The following CDH18 variants were observed in gnomAD, a reference collection of about 807,000 sequenced individuals.
The protein encoded by CDH18 is cadherin-18.
A neutral mutation model predicts 67.9 loss-of-function variants in CDH18; 31 were observed. The ratio of observed to expected loss-of-function variants is 0.46; its 90% confidence interval spans 0.34 to 0.62. The LOEUF (loss-of-function observed/expected upper bound fraction) is 0.62, where lower values mean the gene tolerates loss of function less well. CDH18 is among the 20% of genes least tolerant of loss of function. CDH18 has a pLI of 0.01. For missense variants in CDH18, 890 were observed against 975.5 expected, an observed-to-expected ratio of 0.91 and a Z score of 1.17; for synonymous variants, 362 against 347.2, an observed-to-expected ratio of 1.04 and a Z score of -0.48.
intron 2 of CDH18, among the ~76,000 whole-genome samples, chr5:20,211,801 T>C (rs1337352249): frequency 6.6e-6 from 1 of 151,910 alleles, no homozygotes; most frequent in African/African-American, 2.4e-5. Context: ...AGACCAAAGG[T>C]AGACAAAACA....
intron 2 of CDH18, among the ~76,000 whole-genome samples, chr5:20,124,243 C>T (rs949249188): frequency 2.0e-5 from 3 of 152,102 alleles, no homozygotes; most frequent in Non-Finnish European, 2.9e-5. Flanking sequence ...ATTTTTGTTG[C>T]TTGTCCCATA....
At chr5:20,038,742 T>C (rs1055926341) in intron 2 of CDH18, among the ~76,000 whole-genome samples, 2 of 151,982 alleles carry the variant, frequency 1.3e-5, no homozygotes, top group African/African-American at 4.8e-5. Context: ...ATATCATACT[T>C]AATGGGCAAA....
intron 7 of CDH18, among the ~76,000 whole-genome samples, chr5:19,576,118 T>C (rs371935308): frequency 6.6e-6 from 1 of 151,874 alleles, no homozygotes; most frequent in East Asian, 1.9e-4. Context: ...TTAAAGACAA[T>C]GTAAGACCTA....
intron 2 of CDH18, among the ~76,000 whole-genome samples, chr5:19,875,452 A>G (rs936586515): frequency 6.6e-6 from 1 of 152,026 alleles, no homozygotes; most frequent in African/African-American, 2.4e-5. Context: ...CGATCGATCT[A>G]TAGATAGATA....
intron 11 of CDH18, among the ~76,000 whole-genome samples, chr5:19,492,433 T>C (rs1184936118): frequency 6.6e-6 from 1 of 152,150 alleles, no homozygotes; most frequent in African/African-American, 2.4e-5. Flanking sequence ...AATTTAGTAA[T>C]AATATGGCCA....
chr5:20,453,590 T>C (rs1012930011), intron 1 of CDH18, among the ~76,000 whole-genome samples: 16 of 151,752 alleles, frequency 1.1e-4, no homozygotes, highest in Admixed American at 1.3e-4. Context: ...TGTGTGTGTG[T>C]GTATATGTAT....
intron 10 of CDH18, among the ~76,000 whole-genome samples, chr5:19,520,038 A>AAAT (rs1318964557): frequency 6.6e-6 from 1 of 152,192 alleles, no homozygotes; most frequent in Non-Finnish European, 1.5e-5. Context: ...TTTCTTATAC[A>AAAT]GCAGAAAAAC....
At chr5:19,791,963 T>C (rs1776406729) in intron 3 of CDH18, among the ~76,000 whole-genome samples, 1 of 152,200 alleles carries the variant, frequency 6.6e-6, no homozygotes, top group Non-Finnish European at 1.5e-5. Context: ...AGAAGAATGT[T>C]ACCAAATTTA....
chr5:19,996,281 G>C (rs923236288), intron 2 of CDH18, among the ~76,000 whole-genome samples: 3 of 151,934 alleles, frequency 2.0e-5, no homozygotes, highest in Non-Finnish European at 2.9e-5. Flanking sequence ...AGATTTTTCT[G>C]TCACTAGAAG....
At position 20,384,036 on chromosome 5, in the gene CDH18, G is replaced by A. The variant is rs180881326; in HGVS notation, c.-579-128531C>T. On this transcript the variant is annotated intron_variant, in intron 1 of 14. Transcript: ENST00000507958. Reference sequence around the variant, plus strand: ...ATTATCTAACTTAAATATTTAGCAAGCAGTAAAGTTTTTAAAATTAAAAAA... The same window carrying A: ...ATTATCTAACTTAAATATTTAGCAAACAGTAAAGTTTTTAAAATTAAAAAA... 5.9e-5 allele frequency among the ~76,000 whole-genome samples: 9 copies of A among 152,096 alleles called. No homozygotes were observed. The East Asian group carries it at 1.5e-3, about 26-fold the overall frequency.
At chr5:19,687,961 C>T (rs1252294233) in intron 5 of CDH18, among the ~76,000 whole-genome samples, 2 of 152,282 alleles carry the variant, frequency 1.3e-5, no homozygotes, top group East Asian at 3.9e-4. Context: ...TTGTGCAGTA[C>T]CAAAACATAC....
At position 19,694,647 on chromosome 5, in the gene CDH18, CTCTGTG is replaced by C. The variant is rs1762309670; in HGVS notation, c.643+26694_643+26699del. Among the ~76,000 whole-genome samples, 4 of 33,504 alleles carry C rather than the reference CTCTGTG, an allele frequency of 1.2e-4. No individual in the cohort carries two copies. In the South Asian group the frequency reaches 7.9e-3, roughly 66 times the overall value. The allele number at this position is 33,504 out of a possible 152,430, so 22.0% of individuals were successfully genotyped here. A position where few individuals can be genotyped will look rare whatever the true frequency, so the allele number is the denominator to read the frequency against. ...ATTCTCAAGTTAATTCAGAATTAAA[CTCTGTG>C]TGTGTGTGTGTGTGTGTGTGTGTCT... is the stretch of plus-strand genomic sequence containing the variant. On this transcript the variant is annotated intron_variant, in intron 5 of 12. Transcript: ENST00000382275.
At chr5:19,802,740 C>A (rs1679638070) in intron 3 of CDH18, among the ~76,000 whole-genome samples, 1 of 152,154 alleles carries the variant, frequency 6.6e-6, no homozygotes, top group African/African-American at 2.4e-5. Context: ...ATCACTGGCT[C>A]ATGACTTAGG....
chr5:19,616,394 T>C (rs938332005), intron 5 of CDH18, among the ~76,000 whole-genome samples: 1 of 152,058 alleles, frequency 6.6e-6, no homozygotes, highest in African/African-American at 2.4e-5. Context: ...ATTAAAAAAA[T>C]TGGTTAAATG....
intron 2 of CDH18, chr5:20,158,588 TCC>T (rs1751736761): frequency 6.4e-6 from 1 of 155,310 alleles, no homozygotes; most frequent in Non-Finnish European, 1.5e-5. Flanking sequence ...TTTTTTGTAT[TCC>T]TTAAAAAAAC....
At chr5:20,571,571 T>C (rs762596797) in intron 1 of CDH18, among the ~76,000 whole-genome samples, 10 of 152,156 alleles carry the variant, frequency 6.6e-5, no homozygotes, top group Non-Finnish European at 1.5e-4. Context: ...ATGCTTTGTA[T>C]ATTGTATATG....
intron 1 of CDH18, among the ~76,000 whole-genome samples, chr5:20,410,773 T>A (rs919505608): frequency 4.0e-5 from 6 of 151,800 alleles, no homozygotes; most frequent in Admixed American, 3.9e-4. Flanking sequence ...CCATTTAAAA[T>A]AAAAAAGCTC....
intron 2 of CDH18, among the ~76,000 whole-genome samples, chr5:20,052,061 T>A (rs1285986283): frequency 1.3e-5 from 2 of 152,088 alleles, no homozygotes; most frequent in Non-Finnish European, 2.9e-5. Flanking sequence ...TAATTCCTCA[T>A]GTAAAGATGA....
chr5:19,717,312 A>T (rs115775285), intron 5 of CDH18, among the ~76,000 whole-genome samples: 120 of 152,214 alleles, frequency 7.9e-4, no homozygotes, highest in African/African-American at 2.6e-3. Context: ...ATGAAACAGC[A>T]ATCAGAGAAT....
Sources: gnomAD v4.1 joint callset for allele counts (sites outside exome capture counted in the v4.1 genomes callset) on GRCh38, gnomAD v4.1.1 for gene constraint, MANE v1.5 for transcripts, NCBI Gene and HGNC (gene_info 2026-07-23, HGNC 2026-07-21) for gene names.